The following RIC1 variants were observed in gnomAD, a reference collection of about 807,000 sequenced individuals.
RIC1 encodes guanine nucleotide exchange factor subunit RIC1.
A neutral mutation model predicts 169.0 loss-of-function variants in RIC1; 88 were observed. The ratio of observed to expected loss-of-function variants is 0.52; its 90% CI spans 0.44 to 0.62. RIC1 has a LOEUF of 0.62. RIC1 is among the 20% of genes least tolerant of loss of function. The probability of loss-of-function intolerance (pLI) is 0.00; values close to 1 mark genes in which losing one functional copy is unlikely to be tolerated. For missense variants in RIC1, 1,877 were observed against 1,725.5 expected (o/e 1.09, Z -1.56); for synonymous variants, 790 against 601.5 (o/e 1.31, Z -4.59).
chr9:5,635,670 C>T (rs922209546), intron 1 of RIC1, among the ~76,000 whole-genome samples: 1 of 152,174 alleles, frequency 6.6e-6, no homozygotes, highest in African/African-American at 2.4e-5. Flanking sequence ...TCCTCATAAT[C>T]CCCATGTATG....
intron 3 of RIC1, among the ~76,000 whole-genome samples, chr9:5,695,889 T>A (rs1821872840): frequency 1.3e-5 from 2 of 152,088 alleles, no homozygotes; most frequent in Admixed American, 1.3e-4. Flanking sequence ...CTTCTTAATG[T>A]CAGATTCATG....
chr9:5,763,299 C>A lies in RIC1; in HGVS notation c.2272C>A (p.Arg758Ser). 6.2e-7 allele frequency: 1 copy of A among 1,614,168 alleles called. No individual in the cohort carries two copies. The highest frequency in any genetic ancestry group is 8.5e-7 in the Non-Finnish European group (1 of 1,180,020). The stretch of plus-strand genomic sequence containing the variant: ...GCTCCCTCTCTTCCCTAGGGATCAC[C>A]GCAAGCCCCATTCCTTCTTGTCCCA... Reference protein sequence around the residue: ...VWLPLFPRDHRKPHSFLSQRI... With the variant: ...VWLPLFPRDHSKPHSFLSQRI... The change falls in exon 19 of 26, where the codon CGC becomes AGC. Residue 758 changes from arginine (R) to serine (S), a missense_variant. Coordinates refer to ENST00000414202, the MANE Select transcript of RIC1 (RefSeq NM_020829.4). The surrounding 1 kb of genome is among the most constrained non-coding windows in gnomAD (Gnocchi z 5.2).
intron 1 of RIC1, among the ~76,000 whole-genome samples, chr9:5,647,939 T>TGGG (rs1563866933): frequency 2.1e-5 from 2 of 93,508 alleles, no homozygotes; most frequent in Admixed American, 1.2e-4. Flanking sequence ...TGGGGGTGGG[T>TGGG]GGTGGTGGTG....
chr9:5,668,397 G>A (rs914097059), intron 2 of RIC1, among the ~76,000 whole-genome samples: 3 of 152,214 alleles, frequency 2.0e-5, no homozygotes, highest in Non-Finnish European at 2.9e-5. Flanking sequence ...GTGTGTCTCA[G>A]TGTGGGTCTC....
At chr9:5,719,117 A>G (rs1823439130) in intron 4 of RIC1, 1 of 151,904 alleles carries the variant, frequency 6.6e-6, no homozygotes, top group African/African-American at 2.4e-5. Flanking sequence ...TACTTTGAAC[A>G]CTCTTTCTTA....
Position 5,629,466 on chromosome 9 carries a change from G to T in RIC1, c.144+13G>T, listed in dbSNP as rs1055744115. The T allele has an allele frequency of 6.6e-7, 1 of 1,524,568 alleles. No homozygotes were observed. The highest frequency in any genetic ancestry group is 8.8e-7 in the Non-Finnish European group (1 of 1,141,644). 94.4% of individuals were successfully genotyped at this position (1,524,568 alleles called of 1,614,324 possible). A position where few individuals can be genotyped will look rare whatever the true frequency, so the allele number is the denominator to read the frequency against. ...CTGGTACAGCCGAGTAAGTAGAGCC[G>T]CCCGCCGCCTTTCGCCGCTGCCTCC... On this transcript the variant is annotated intron_variant, in intron 1 of 25. Coordinates refer to ENST00000414202, the MANE Select transcript of RIC1 (RefSeq NM_020829.4).
At chr9:5,677,179 C>T (rs1820501260) in intron 2 of RIC1, among the ~76,000 whole-genome samples, 1 of 152,168 alleles carries the variant, frequency 6.6e-6, no homozygotes, top group Non-Finnish European at 1.5e-5. Context: ...CTATCTTTGC[C>T]AACATGTGGT....
intron 2 of RIC1, among the ~76,000 whole-genome samples, chr9:5,676,467 T>C (rs1820450499): frequency 6.6e-6 from 1 of 152,204 alleles, no homozygotes; most frequent in Admixed American, 6.5e-5. Context: ...ATAACAATCC[T>C]CTCAAGGTAG....
chr9:5,768,187 A>C (rs1433571318), intron 21 of RIC1, among the ~76,000 whole-genome samples: 1 of 152,194 alleles, frequency 6.6e-6, no homozygotes, highest in Non-Finnish European at 1.5e-5. Flanking sequence ...TAGCTCATGT[A>C]AGTCAGGAAT....
At chr9:5,648,996 A>G (rs915834663) in intron 1 of RIC1, among the ~76,000 whole-genome samples, 8 of 152,188 alleles carry the variant, frequency 5.3e-5, no homozygotes, top group Non-Finnish European at 1.2e-4. Context: ...TTTGCTATGC[A>G]CAAAACAAGT....
chr9:5,743,962 G>A (rs1825232207), intron 10 of RIC1, among the ~76,000 whole-genome samples: 1 of 151,952 alleles, frequency 6.6e-6, no homozygotes, highest in African/African-American at 2.4e-5. Context: ...ATCCACACAC[G>A]GTTAATTTTT....
At chr9:5,630,324 A>G (rs1322532743) in intron 1 of RIC1, among the ~76,000 whole-genome samples, 1 of 152,140 alleles carries the variant, frequency 6.6e-6, no homozygotes, top group Non-Finnish European at 1.5e-5. Flanking sequence ...TCAGAGTATA[A>G]AAATGCTTTT....
At chr9:5,704,773 T>C (rs1822460986) in intron 3 of RIC1, among the ~76,000 whole-genome samples, 1 of 152,158 alleles carries the variant, frequency 6.6e-6, no homozygotes, top group East Asian at 1.9e-4. Context: ...TACGCCTATA[T>C]TTTCTTCTAT....
chr9:5,698,100 G>T (rs1398018188), intron 3 of RIC1, among the ~76,000 whole-genome samples: 1 of 152,130 alleles, frequency 6.6e-6, no homozygotes, highest in African/African-American at 2.4e-5. Flanking sequence ...TAGGTTATTT[G>T]CCACATTATT....
Position 5,656,677 on chromosome 9 carries a change from T to A in RIC1, c.239T>A (p.Met80Lys), listed in dbSNP as rs758453573. 6.3e-7 allele frequency: 1 copy of A among 1,592,174 alleles called. No individual in the cohort carries two copies. The highest frequency in any genetic ancestry group is 8.6e-7 in the Non-Finnish European group (1 of 1,164,020). Reference protein sequence around the residue: ...KQAEWRPDSTMIAVSTANGYI... With the variant: ...KQAEWRPDSTKIAVSTANGYI... ...GCTGAATGGAGGCCAGATAGTACCA[T>A]GATAGCTGTATCAGTAAGTAGATTT... The change falls in exon 2 of 26, where the codon ATG (methionine) becomes AAG (lysine). Residue 80 changes from methionine to lysine, a missense_variant. Met to Lys is a moderately conservative substitution (Grantham distance 95, BLOSUM62 -1). Around this residue, in one of 3 missense-constraint regions of RIC1, gnomAD observed 1,104 missense variants for 992.0 expected, o/e 1.11. Transcript: ENST00000414202.
intron 7 of RIC1, among the ~76,000 whole-genome samples, chr9:5,736,878 G>T (rs1824743853): frequency 1.3e-5 from 2 of 151,916 alleles, no homozygotes. Flanking sequence ...GGCTACTATT[G>T]CAGGTCTTTT....
At chr9:5,707,921 T>C (rs570601820) in intron 3 of RIC1, among the ~76,000 whole-genome samples, 5 of 152,156 alleles carry the variant, frequency 3.3e-5, no homozygotes, top group Non-Finnish European at 7.4e-5. Context: ...CTATTTGTTT[T>C]CTATTATGTC....
chr9:5,748,262 C>T (rs1300052484), intron 12 of RIC1, among the ~76,000 whole-genome samples: 1 of 152,098 alleles, frequency 6.6e-6, no homozygotes, highest in Non-Finnish European at 1.5e-5. Context: ...TTCTTTTAGT[C>T]AGTTTCTGTT....
At chr9:5,741,217 C>G (rs1825065291) in intron 8 of RIC1, among the ~76,000 whole-genome samples, 1 of 152,162 alleles carries the variant, frequency 6.6e-6, no homozygotes, top group Non-Finnish European at 1.5e-5. Flanking sequence ...GTTGTCTTCT[C>G]TTTTCAATAG....
Sources: allele counts gnomAD v4.1 joint callset (sites outside exome capture counted in the v4.1 genomes callset), GRCh38; gene constraint gnomAD v4.1.1; regional missense constraint gnomAD v4.1.1; non-coding constraint Gnocchi (gnomAD v3.1); transcripts MANE v1.5; gene names NCBI Gene and HGNC (gene_info 2026-07-23, HGNC 2026-07-21).